Variants in PCBP3 observed in about 807,000 individuals in gnomAD.
PCBP3 encodes poly(rC)-binding protein 3.
In PCBP3, 25 loss-of-function variants were observed where a neutral mutation model predicts 52.7. That is an observed-to-expected ratio of 0.47 (90% CI 0.35 to 0.66). The LOEUF is 0.66. PCBP3 is among the 30% of genes least tolerant of loss of function. The pLI is 0.01. For synonymous variants in PCBP3, 162 were observed against 183.0 expected, an observed-to-expected ratio of 0.89 and a Z score of 0.93; for missense variants, 391 against 490.3, an observed-to-expected ratio of 0.80 and a Z score of 1.91.
At chr21:45,824,735 A>C (rs1314485493) in intron 4 of PCBP3, among the ~76,000 whole-genome samples, 2 of 152,158 alleles carry the variant, frequency 1.3e-5, no homozygotes, top group African/African-American at 4.8e-5. Flanking sequence ...CCACATGATG[A>C]AACCCAGATG....
intron 3 of PCBP3, among the ~76,000 whole-genome samples, chr21:45,752,212 A>G (rs1405468676): frequency 6.6e-6 from 1 of 152,094 alleles, no homozygotes; most frequent in Non-Finnish European, 1.5e-5. Flanking sequence ...GAAATTACTC[A>G]TGTTTTATTC....
chr21:45,917,426 C>G lies in PCBP3; in HGVS notation c.676-162C>G. On this transcript the variant is annotated intron_variant, in intron 12 of 17. Transcript: ENST00000681687. This position sits in a 1 kb window ranked among gnomAD's most constrained non-coding sequence, Gnocchi z 5.3. ...TGCGGCTCCCCTGGGGCTCCTGGTG[C>G]CCTGGGAGGGTTGGCCCTTTGTCCT... The G allele has an allele frequency of 1.9e-6, 1 of 524,796 alleles. No individual in the cohort carries two copies. Among genetic ancestry groups the G allele is most frequent in the Non-Finnish European group, 3.4e-6 (1 of 291,574 alleles). The allele number at this position is 524,796 out of a possible 1,614,324, so 32.5% of individuals were successfully genotyped here. A position where few individuals can be genotyped will look rare whatever the true frequency, so the allele number is the denominator to read the frequency against.
chr21:45,645,128 A>G (rs1427115074), intron 1 of PCBP3, among the ~76,000 whole-genome samples: 2 of 152,226 alleles, frequency 1.3e-5, no homozygotes, highest in Admixed American at 1.3e-4. Context: ...CACACGACAG[A>G]AGCAGAAATA....
chr21:45,802,595 G>A lies in PCBP3; in HGVS notation c.-126+47143G>A, dbSNP rs1044391803. 6.6e-6 allele frequency among the ~76,000 whole-genome samples: 1 copy of A among 152,122 alleles called. No homozygotes were observed. The highest frequency in any genetic ancestry group is 2.1e-4 in the South Asian group (1 of 4,824). On this transcript the variant is annotated intron_variant, in intron 4 of 17. Coordinates refer to ENST00000681687, the MANE Select transcript of PCBP3 (RefSeq NM_001384156.1). The surrounding 1 kb of genome is among the most constrained non-coding windows in gnomAD (Gnocchi z 5.1). ...ACGTAAGAGATGGGGACAGGCTGACGGAGGAGGAGGACCGGGCTGGGGGAG... is the reference window on the plus strand; with the variant it reads ...ACGTAAGAGATGGGGACAGGCTGACAGAGGAGGAGGACCGGGCTGGGGGAG...
At chr21:45,921,793 T>C (rs2074478781) in intron 13 of PCBP3, among the ~76,000 whole-genome samples, 1 of 147,856 alleles carries the variant, frequency 6.8e-6, no homozygotes, top group South Asian at 2.1e-4. Context: ...CACTCCAGCC[T>C]GGGCGACAGA....
At chr21:45,684,767 G>A (rs1480004760) in intron 2 of PCBP3, among the ~76,000 whole-genome samples, 3 of 152,084 alleles carry the variant, frequency 2.0e-5, no homozygotes, top group Non-Finnish European at 2.9e-5. Flanking sequence ...TTCATAAATT[G>A]CCCAGTCTCA....
chr21:45,838,649 A>G (rs2147940949), intron 4 of PCBP3, among the ~76,000 whole-genome samples: 1 of 152,314 alleles, frequency 6.6e-6, no homozygotes, highest in Non-Finnish European at 1.5e-5. Flanking sequence ...CATTACCATG[A>G]TTACTTATTT....
At chr21:45,759,486 GT>G (rs2088406409) in intron 4 of PCBP3, among the ~76,000 whole-genome samples, 1 of 152,062 alleles carries the variant, frequency 6.6e-6, no homozygotes, top group Admixed American at 6.5e-5. Context: ...GGAAACCTCA[GT>G]TACATTATGT....
chr21:45,933,903 G>A (rs555682955), intron 15 of PCBP3, among the ~76,000 whole-genome samples: 3 of 152,096 alleles, frequency 2.0e-5, no homozygotes, highest in Non-Finnish European at 2.9e-5. Flanking sequence ...TGGCAGGGAC[G>A]GGGGGCAGGG....
intron 4 of PCBP3, among the ~76,000 whole-genome samples, chr21:45,849,663 A>G (rs1420427601): frequency 6.6e-6 from 1 of 151,422 alleles, no homozygotes; most frequent in African/African-American, 2.4e-5. Context: ...CAGTGTAGAT[A>G]TAAGGAAATA....
chr21:45,929,837 C>G, intron 13 of PCBP3, 80 bp from the exon 14 acceptor site: 1 of 1,041,952 alleles, frequency 9.6e-7, no homozygotes, highest in Non-Finnish European at 1.5e-6. Context: ...GTGCAAAGTT[C>G]TGTTACTGCC....
At chr21:45,874,416 A>G (rs1045498742) in intron 5 of PCBP3, among the ~76,000 whole-genome samples, 1 of 151,876 alleles carries the variant, frequency 6.6e-6, no homozygotes, top group Non-Finnish European at 1.5e-5. Flanking sequence ...TAATTTCTAC[A>G]TAGAGGTTTC....
chr21:45,824,264 C>T (rs1463652686), intron 4 of PCBP3, among the ~76,000 whole-genome samples: 1 of 152,210 alleles, frequency 6.6e-6, no homozygotes, highest in African/African-American at 2.4e-5. Context: ...CCCTCAGGTG[C>T]AAGTCCCTTT....
chr21:45,911,189 G>T (rs1051336962), intron 11 of PCBP3, 159 bp downstream of exon 11: 1 of 799,148 alleles, frequency 1.3e-6, no homozygotes, highest in African/African-American at 1.7e-5. Context: ...AGCGGTGCCG[G>T]TATGGGCGCC....
chr21:45,925,485 T>C (rs532454083), intron 13 of PCBP3, among the ~76,000 whole-genome samples: 135 of 152,304 alleles, frequency 8.9e-4, no homozygotes, highest in Middle Eastern at 3.4e-3. Context: ...CAAAGTAAAA[T>C]TATGAAATTC....
intron 5 of PCBP3, among the ~76,000 whole-genome samples, chr21:45,862,063 C>T (rs2094530453): frequency 6.6e-6 from 1 of 151,894 alleles, no homozygotes; most frequent in Non-Finnish European, 1.5e-5. Flanking sequence ...GTAAAAAGGA[C>T]CCTGCTAGTT....
At chr21:45,824,351 T>C (rs1408224580) in intron 4 of PCBP3, among the ~76,000 whole-genome samples, 1 of 152,242 alleles carries the variant, frequency 6.6e-6, no homozygotes, top group Non-Finnish European at 1.5e-5. Context: ...TCTACATTTG[T>C]TCCATTGTCT....
At chr21:45,824,001 C>T (rs1390438883) in intron 4 of PCBP3, among the ~76,000 whole-genome samples, 1 of 152,168 alleles carries the variant, frequency 6.6e-6, no homozygotes, top group Non-Finnish European at 1.5e-5. Flanking sequence ...CTTGGCCTCC[C>T]AAAGTGCTGG....
Position 45,782,599 on chromosome 21 carries a change from A to G in PCBP3, c.-126+27147A>G, listed in dbSNP as rs1043832551. On this transcript the variant is annotated intron_variant, in intron 4 of 17. Transcript: ENST00000681687. ...TCATGTAATGAGCATCCCAGGAAGT[A>G]GGGGATCAGAAAAATATTTGAAGAC... Among the ~76,000 whole-genome samples, 4 of 152,232 alleles carry G rather than the reference A, an allele frequency of 2.6e-5. No homozygotes were observed. In the South Asian group the frequency reaches 6.2e-4, roughly 24 times the overall value.
Sources: gnomAD v4.1 joint callset for allele counts (sites outside exome capture counted in the v4.1 genomes callset) on GRCh38, gnomAD v4.1.1 for gene constraint, Gnocchi (gnomAD v3.1) non-coding constraint, MANE v1.5 for transcripts, NCBI Gene and HGNC (gene_info 2026-07-23, HGNC 2026-07-21) for gene names.